Variants in KLF12 observed in about 807,000 individuals in gnomAD.
KLF12 encodes Krueppel-like factor 12.
A neutral mutation model predicts 37.8 loss-of-function variants in KLF12; 9 were observed. The observed-to-expected ratio is 0.24, with a 90% CI of 0.14 to 0.42. The LOEUF is 0.42. KLF12 is among the 10% of genes least tolerant of loss of function. The pLI is 1.00. For synonymous variants in KLF12, 208 were observed against 202.1 expected, an observed-to-expected ratio of 1.03 and a Z score of -0.25; for missense variants, 411 against 516.0, an observed-to-expected ratio of 0.80 and a Z score of 1.97.
At chr13:74,237,486 T>A in the KLF12 span, among the ~76,000 whole-genome samples, 2 of 140,684 alleles carry the variant, frequency 1.4e-5, no homozygotes, top group African/African-American at 6.3e-5. Context: ...AAGAAAGTCA[T>A]TGGTAGCTTG....
intron 5 of KLF12, among the ~76,000 whole-genome samples, chr13:73,797,441 C>A (rs1882040631): frequency 6.6e-6 from 1 of 152,178 alleles, no homozygotes. Flanking sequence ...TAAATCTTTT[C>A]CCTTCAAGAC....
chr13:73,995,371 G>A (rs1260057583), intron 1 of KLF12, among the ~76,000 whole-genome samples: 3 of 151,986 alleles, frequency 2.0e-5, no homozygotes, highest in African/African-American at 7.2e-5. Flanking sequence ...GAGAGAGACA[G>A]CTGAGGAGAA....
the KLF12 span, among the ~76,000 whole-genome samples, chr13:74,183,984 G>A: frequency 6.6e-6 from 1 of 152,138 alleles, no homozygotes; most frequent in East Asian, 1.9e-4. Flanking sequence ...TTCTAATAAA[G>A]TTATGGTGGC....
At chr13:73,844,588 T>C (rs1884918695) in intron 4 of KLF12, 1 of 152,198 alleles carries the variant, frequency 6.6e-6, no homozygotes, top group Non-Finnish European at 1.5e-5. Context: ...ATTTCACGTG[T>C]GATAAAGAAA....
chr13:73,932,406 A>T (rs1300238907), intron 3 of KLF12, among the ~76,000 whole-genome samples: 12 of 152,226 alleles, frequency 7.9e-5, no homozygotes, highest in Admixed American at 5.9e-4. Flanking sequence ...AACAGATCAA[A>T]ATTGTCACCA....
At chr13:73,989,005 T>C (rs1290014171) in intron 2 of KLF12, among the ~76,000 whole-genome samples, 1 of 152,166 alleles carries the variant, frequency 6.6e-6, no homozygotes, top group African/African-American at 2.4e-5. Flanking sequence ...AGAACCAGGA[T>C]GGAAACCAGA....
the KLF12 span, among the ~76,000 whole-genome samples, chr13:74,169,294 A>G: frequency 1.3e-5 from 2 of 152,236 alleles, no homozygotes; most frequent in Admixed American, 6.5e-5. Flanking sequence ...CACTATTATT[A>G]TGTATCTACT....
At chr13:73,858,943 T>C (rs1396955296) in intron 3 of KLF12, among the ~76,000 whole-genome samples, 1 of 152,236 alleles carries the variant, frequency 6.6e-6, no homozygotes, top group Non-Finnish European at 1.5e-5. Flanking sequence ...TTTTAACTGA[T>C]GATTTTAAAA....
At chr13:74,243,436 G>C in the KLF12 span, among the ~76,000 whole-genome samples, 1 of 152,144 alleles carries the variant, frequency 6.6e-6, no homozygotes, top group South Asian at 2.1e-4. Context: ...TGTCTTTATA[G>C]TAGGATGATT....
the KLF12 span, among the ~76,000 whole-genome samples, chr13:74,192,220 C>T: frequency 6.6e-6 from 1 of 151,880 alleles, no homozygotes; most frequent in East Asian, 1.9e-4. Flanking sequence ...AAAATATAAG[C>T]AACCCAAGCA....
chr13:74,081,967 T>C (rs1874920787), intron 1 of KLF12, among the ~76,000 whole-genome samples: 1 of 151,960 alleles, frequency 6.6e-6, no homozygotes, highest in Non-Finnish European at 1.5e-5. Context: ...ACCAAAGAAT[T>C]GTTACCTAAT....
intron 6 of KLF12, among the ~76,000 whole-genome samples, chr13:73,721,416 T>C (rs1023859401): frequency 7.9e-5 from 12 of 152,244 alleles, no homozygotes; most frequent in African/African-American, 2.4e-4. Context: ...TGTTATTGAA[T>C]ATAGCCTGCA....
In KLF12 at chr13:73,738,118, TATATATACACAC is replaced by T. The variant is rs1311442358; in HGVS notation, c.870-22605_870-22594del. On this transcript the variant is annotated intron_variant, in intron 6 of 7. Coordinates refer to ENST00000377669, the MANE Select transcript of KLF12 (RefSeq NM_007249.5). ...ATATATATATATATATATATATATATATATATACACACACACACATATATATACACACACACA... is the reference window on the plus strand; with the variant it reads ...ATATATATATATATATATATATATATACACACATATATATACACACACACA... Among the ~76,000 whole-genome samples, 43 of 65,298 alleles carry T rather than the reference TATATATACACAC, an allele frequency of 6.6e-4. 3 individuals carry two copies. In the South Asian group the frequency reaches 0.016, roughly 24 times the overall value. The allele number at this position is 65,298 out of a possible 152,430, so 42.8% of individuals were successfully genotyped here.
chr13:73,812,232 CAG>C (rs1882976038), intron 5 of KLF12, among the ~76,000 whole-genome samples: 1 of 151,860 alleles, frequency 6.6e-6, no homozygotes, highest in African/African-American at 2.4e-5. Context: ...GCTGGGGTGT[CAG>C]AGAAAAGAGG....
the KLF12 span, among the ~76,000 whole-genome samples, chr13:74,174,419 T>C: frequency 2.0e-5 from 3 of 151,776 alleles, no homozygotes; most frequent in Non-Finnish European, 2.9e-5. Context: ...TTTTTGTATT[T>C]TTAGTAGAGA....
At chr13:74,121,609 GATAAT>G (rs1207767562) in intron 1 of KLF12, among the ~76,000 whole-genome samples, 2 of 151,910 alleles carry the variant, frequency 1.3e-5, no homozygotes, top group Non-Finnish European at 2.9e-5. Context: ...CTTGAATTGA[GATAAT>G]ATAATGCATT....
chr13:74,183,025 C>A, the KLF12 span, among the ~76,000 whole-genome samples: 320 of 152,204 alleles, frequency 2.1e-3, 4 homozygotes, highest in African/African-American at 7.5e-3. Context: ...CTGCCCCTGA[C>A]CAAACCATTT....
At chr13:74,195,312 C>T in the KLF12 span, among the ~76,000 whole-genome samples, 1 of 152,138 alleles carries the variant, frequency 6.6e-6, no homozygotes, top group East Asian at 1.9e-4. Context: ...GACACAGAGG[C>T]CTCACAGCCA....
chr13:74,038,377 C>A (rs1171797570), intron 1 of KLF12, among the ~76,000 whole-genome samples: 2 of 152,194 alleles, frequency 1.3e-5, no homozygotes, highest in Non-Finnish European at 2.9e-5. Context: ...CATACTGCTG[C>A]CTAGCATTGC....
Sources: gnomAD v4.1 joint callset for allele counts (sites outside exome capture counted in the v4.1 genomes callset) on GRCh38, gnomAD v4.1.1 for gene constraint, MANE v1.5 for transcripts, NCBI Gene and HGNC (gene_info 2026-07-23, HGNC 2026-07-21) for gene names.